The following MAGI3 variants were observed in gnomAD, a reference collection of about 807,000 sequenced individuals.
MAGI3 encodes the protein membrane-associated guanylate kinase, WW and PDZ domain-containing protein 3.
MAGI3 carries 43 observed loss-of-function variants against 121.8 expected under a neutral mutation model. That is an observed-to-expected ratio of 0.35 (90% CI 0.28 to 0.46). The LOEUF is 0.46. Ranked by LOEUF, MAGI3 falls within the 20% of genes least tolerant of loss-of-function variation. The pLI, the probability that MAGI3 is intolerant of heterozygous loss-of-function variation, is 1.00. For missense variants in MAGI3, 1,547 were observed against 1,797.3 expected, an observed-to-expected ratio of 0.86 and a Z score of 2.52; for synonymous variants, 553 against 639.3, an observed-to-expected ratio of 0.86 and a Z score of 2.04.
At chr1:113,463,580 G>T (rs185945899) in intron 1 of MAGI3, among the ~76,000 whole-genome samples, 13 of 152,254 alleles carry the variant, frequency 8.5e-5, no homozygotes, top group Admixed American at 5.2e-4. Flanking sequence ...TTTCATTGAA[G>T]TGATGAGGCT....
chr1:113,451,839 T>C (rs1404570925), intron 1 of MAGI3, among the ~76,000 whole-genome samples: 1 of 152,236 alleles, frequency 6.6e-6, no homozygotes, highest in African/African-American at 2.4e-5. Context: ...TGATGTTAAT[T>C]GCTATGGCAG....
At chr1:113,466,141 A>G (rs756928168) in intron 1 of MAGI3, among the ~76,000 whole-genome samples, 7 of 152,098 alleles carry the variant, frequency 4.6e-5, no homozygotes, top group Non-Finnish European at 8.8e-5. Context: ...TTTGTCATAT[A>G]TGGCCTTTAT....
intron 2 of MAGI3, among the ~76,000 whole-genome samples, chr1:113,563,907 C>A (rs1473539887): frequency 6.6e-6 from 1 of 152,196 alleles, no homozygotes; most frequent in Non-Finnish European, 1.5e-5. Context: ...TGGGCTGTTA[C>A]CATACCCTCT....
At chr1:113,497,272 G>A (rs1656972066) in intron 1 of MAGI3, among the ~76,000 whole-genome samples, 1 of 120,218 alleles carries the variant, frequency 8.3e-6, no homozygotes. Flanking sequence ...CGCAGAAGAC[G>A]GGTGATTTCT....
chr1:113,408,996 A>G (rs536983301), intron 1 of MAGI3, among the ~76,000 whole-genome samples: 172 of 152,208 alleles, frequency 1.1e-3, no homozygotes, highest in Non-Finnish European at 2.2e-3. Context: ...AGCAGACTGT[A>G]GTGATAAAAT....
In MAGI3 at chr1:113,649,237, C is replaced by T. The variant is rs2101833758; in HGVS notation, c.2156C>T (p.Pro719Leu). The change falls in exon 13 of 21, where the codon CCA (proline) becomes CTA (leucine). Residue 719 changes from proline to leucine, a missense_variant and splice_region_variant. Physicochemically the swap from Pro to Leu is moderately conservative, Grantham distance 98. Coordinates refer to ENST00000307546, the MANE Select transcript of MAGI3 (RefSeq NM_001142782.2). ...ATTTATATTTTCTGATTTTCCTCAG[C>T]ACCAAACACCAAAGATTTGGATGTT... is the stretch of plus-strand genomic sequence containing the variant. ...LKSKTLYEDK[P>L]PNTKDLDVFL... is the part of the protein sequence containing the mutation. 6.2e-7 allele frequency: 1 copy of T among 1,609,900 alleles called. No homozygotes were observed. The highest frequency in any genetic ancestry group is 8.5e-7 in the Non-Finnish European group (1 of 1,178,400).
chr1:113,638,107 T>G (rs2101815003), intron 9 of MAGI3, among the ~76,000 whole-genome samples: 1 of 152,316 alleles, frequency 6.6e-6, no homozygotes, highest in African/African-American at 2.4e-5. Flanking sequence ...TTCTCTGTAT[T>G]GGTTATTCTA....
At chr1:113,546,382 G>A (rs1659534656) in intron 1 of MAGI3, among the ~76,000 whole-genome samples, 1 of 152,088 alleles carries the variant, frequency 6.6e-6, no homozygotes, top group Admixed American at 6.5e-5. Context: ...TGTTGCCCAG[G>A]CTGAAGTGCA....
chr1:113,512,965 A>T (rs1657694069), intron 1 of MAGI3, among the ~76,000 whole-genome samples: 1 of 152,202 alleles, frequency 6.6e-6, no homozygotes, highest in Non-Finnish European at 1.5e-5. Flanking sequence ...AATCACAAGC[A>T]TTCTTATACA....
chr1:113,419,744 A>T (rs1389654862), intron 1 of MAGI3, among the ~76,000 whole-genome samples: 1 of 152,214 alleles, frequency 6.6e-6, no homozygotes, highest in Non-Finnish European at 1.5e-5. Flanking sequence ...ATTCAATGGC[A>T]TAAAACAACA....
At chr1:113,682,205 T>A (rs1352140008) in intron 20 of MAGI3, 1 of 1,600,292 alleles carries the variant, frequency 6.2e-7, no homozygotes, top group Non-Finnish European at 8.5e-7. Context: ...TTCTCTTCCC[T>A]CTTCAGGTTT....
At chr1:113,626,360 C>T (rs1009151495) in intron 9 of MAGI3, among the ~76,000 whole-genome samples, 5 of 152,128 alleles carry the variant, frequency 3.3e-5, no homozygotes, top group Admixed American at 1.3e-4. Context: ...TCAAATTTTA[C>T]TTGCTAATAT....
chr1:113,480,919 T>A (rs1210835933), intron 1 of MAGI3, among the ~76,000 whole-genome samples: 4 of 152,202 alleles, frequency 2.6e-5, no homozygotes, highest in Admixed American at 2.0e-4. Context: ...TGTTTAGCTA[T>A]TTTATTTGAA....
chr1:113,555,443 G>C (rs896421089), intron 2 of MAGI3, among the ~76,000 whole-genome samples: 1 of 152,114 alleles, frequency 6.6e-6, no homozygotes, highest in East Asian at 1.9e-4. Context: ...TAGAAAACAT[G>C]AACAGTATTT....
rs2101671680 is a variant in MAGI3, at chr1:113,550,824, A to C, written c.433+1193A>C. Among the ~76,000 whole-genome samples, 2 of 151,234 alleles carry C rather than the reference A, an allele frequency of 1.3e-5. 1 individual carries two copies. ...TTTTACATGTTGTTAACTAGATTTT[A>C]TTCCTGTAAATCAATTTGTAAAGCC... On this transcript the variant is annotated intron_variant, in intron 2 of 20. Transcript: ENST00000307546.
At chr1:113,606,090 C>CTT (rs1649758255) in intron 6 of MAGI3, among the ~76,000 whole-genome samples, 1 of 152,024 alleles carries the variant, frequency 6.6e-6, no homozygotes, top group African/African-American at 2.4e-5. Flanking sequence ...CTCAGCCTCC[C>CTT]CAGTAGCTAG....
At chr1:113,586,979 G>A (rs1050102181) in intron 4 of MAGI3, among the ~76,000 whole-genome samples, 4 of 152,074 alleles carry the variant, frequency 2.6e-5, no homozygotes, top group Admixed American at 6.5e-5. Context: ...GAGGCAGTTC[G>A]TATACTACCT....
At chr1:113,515,891 T>A (rs1051980370) in intron 1 of MAGI3, among the ~76,000 whole-genome samples, 1 of 152,086 alleles carries the variant, frequency 6.6e-6, no homozygotes, top group Non-Finnish European at 1.5e-5. Flanking sequence ...GGTTGTTGAA[T>A]TGTACTATTA....
chr1:113,568,696 A>G (rs7555259), intron 2 of MAGI3, among the ~76,000 whole-genome samples: 9,899 of 152,170 alleles, frequency 0.065, 363 homozygotes, highest in Non-Finnish European at 0.075. Flanking sequence ...CAGAAGGGAA[A>G]TTAATGACTT....
Sources: gnomAD v4.1 joint callset for allele counts (sites outside exome capture counted in the v4.1 genomes callset) on GRCh38, gnomAD v4.1.1 for gene constraint, MANE v1.5 for transcripts, NCBI Gene and HGNC (gene_info 2026-07-23, HGNC 2026-07-21) for gene names.